EPB41L5: variants seen among roughly 807,000 people sequenced by gnomAD.
The protein encoded by EPB41L5 is erythrocyte membrane protein band 4.1 like 5.
A neutral mutation model predicts 106.6 loss-of-function variants in EPB41L5; 55 were observed. That is an observed-to-expected ratio of 0.52 (90% CI 0.42 to 0.65). The LOEUF (loss-of-function observed/expected upper bound fraction) is 0.65. EPB41L5 is among the 30% of genes least tolerant of loss of function. The pLI is 0.00. For missense variants in EPB41L5, 871 were observed against 882.1 expected (o/e 0.99, Z 0.16); for synonymous variants, 297 against 306.7 (o/e 0.97, Z 0.33).
chr2:120,160,842 C>T (rs1687109859), intron 20 of EPB41L5, 39 bp from the exon 21 acceptor site: 1 of 1,470,948 alleles, frequency 6.8e-7, no homozygotes, highest in Non-Finnish European at 9.5e-7. Flanking sequence ...TGTACCTGTA[C>T]AGGTCCTACA....
chr2:120,077,822 G>T (rs1344013251), intron 9 of EPB41L5, among the ~76,000 whole-genome samples: 1 of 152,098 alleles, frequency 6.6e-6, no homozygotes. Context: ...CTGCTATAAA[G>T]ACATAAATTT....
rs544212841 is a variant in EPB41L5, at chr2:120,134,744, TC to T, written c.1599+3034del. On this transcript the variant is annotated intron_variant, in intron 18 of 24. Transcript: ENST00000263713. Reference sequence around the variant, plus strand: ...GTCACAGCCTTACTGGGCATGAGGTTCCCCCTAATGCAGATATGGCTGGAGT... The same window carrying T: ...GTCACAGCCTTACTGGGCATGAGGTTCCCCTAATGCAGATATGGCTGGAGT... Among the ~76,000 whole-genome samples the T allele has an allele frequency of 3.0e-4, 45 of 152,334 alleles. No individual in the cohort carries two copies. The South Asian group carries it at 9.3e-3, about 32-fold the overall frequency.
chr2:120,174,302 CA>C (rs1362214586), intron 24 of EPB41L5, among the ~76,000 whole-genome samples: 1 of 152,036 alleles, frequency 6.6e-6, no homozygotes, highest in Non-Finnish European at 1.5e-5. Flanking sequence ...CAGAAAAATA[CA>C]AAAATTAGCC....
intron 16 of EPB41L5, among the ~76,000 whole-genome samples, chr2:120,111,917 C>T (rs1166056074): frequency 1.3e-5 from 2 of 152,152 alleles, no homozygotes; most frequent in Admixed American, 1.3e-4. Context: ...TCTTCTTATA[C>T]TTGCTCAAAC....
chr2:120,039,828 G>GAA lies in EPB41L5; in HGVS notation c.181-2160_181-2159dup, dbSNP rs564488728. On this transcript the variant is annotated intron_variant, in intron 2 of 24. Coordinates refer to ENST00000263713, the MANE Select transcript of EPB41L5 (RefSeq NM_020909.4). ...CAACAAGAGTGAAACTCTGTCTCAG[G>GAA]AAAAAAAAAAAAAAAAAAAGAAGAA... 2.7e-4 allele frequency among the ~76,000 whole-genome samples: 23 copies of GAA among 86,448 alleles called. 1 individual carries two copies. The South Asian group carries it at 5.4e-3, about 20-fold the overall frequency. The allele number at this position is 86,448 out of a possible 152,430, so 56.7% of individuals were successfully genotyped here.
intron 3 of EPB41L5, among the ~76,000 whole-genome samples, chr2:120,050,862 G>A (rs993103348): frequency 9.9e-5 from 15 of 152,198 alleles, no homozygotes; most frequent in African/African-American, 1.9e-4. Context: ...CTGTTTGTTA[G>A]TTTTCCTTCT....
chr2:120,105,218 T>C, intron 16 of EPB41L5: 1 of 983,622 alleles, frequency 1.0e-6, no homozygotes, highest in Non-Finnish European at 1.2e-6. Context: ...AAAAAGTCCA[T>C]TTCTGATAGG....
intron 2 of EPB41L5, among the ~76,000 whole-genome samples, chr2:120,028,946 G>A (rs147293431): frequency 1.3e-5 from 2 of 152,012 alleles, no homozygotes; most frequent in South Asian, 2.1e-4. Context: ...TATTGGAGAC[G>A]GTCATATTTT....
chr2:120,027,571 T>C (rs1678412381), intron 2 of EPB41L5, among the ~76,000 whole-genome samples: 1 of 152,116 alleles, frequency 6.6e-6, no homozygotes, highest in Non-Finnish European at 1.5e-5. Context: ...CTATAATATA[T>C]GGACTTTCTT....
intron 2 of EPB41L5, among the ~76,000 whole-genome samples, chr2:120,027,067 A>G (rs1405119170): frequency 1.3e-5 from 2 of 152,228 alleles, no homozygotes; most frequent in Admixed American, 1.3e-4. Flanking sequence ...AAGTGTTGGT[A>G]AGGATATGGA....
rs369243664 is a variant in EPB41L5 at position 120,106,477 on chromosome 2, A to G, written c.1337+5663A>G. 2.4e-5 allele frequency: 24 copies of G among 985,072 alleles called. No homozygotes were observed. The African/African-American group carries it at 3.5e-4, about 14-fold the overall frequency. The allele number at this position is 985,072 out of a possible 1,614,324, so 61.0% of individuals were successfully genotyped here. On this transcript the variant is annotated intron_variant, in intron 16 of 24. Coordinates refer to ENST00000263713, the MANE Select transcript of EPB41L5 (RefSeq NM_020909.4). The stretch of plus-strand genomic sequence containing the variant: ...ATTGTCACCAACCTATTTACACTCT[A>G]CATTTTATTATGCCTAAAGAGTCAG...
Position 120,131,475 on chromosome 2 carries a change from T to C in EPB41L5, c.1502-143T>C, listed in dbSNP as rs1031640848. On this transcript the variant is annotated intron_variant, in intron 17 of 24. Coordinates refer to ENST00000263713, the MANE Select transcript of EPB41L5 (RefSeq NM_020909.4). ...GATAGCTGGTTATGGAAAGAAAATATATTTATTTTGTGTTTATCTGGATTA... is the reference window on the plus strand; with the variant it reads ...GATAGCTGGTTATGGAAAGAAAATACATTTATTTTGTGTTTATCTGGATTA... 8.2e-6 allele frequency: 5 copies of C among 608,876 alleles called. No individual in the cohort carries two copies. In the Admixed American group the frequency reaches 1.5e-4, roughly 18 times the overall value. The allele number at this position is 608,876 out of a possible 1,614,324, so 37.7% of individuals were successfully genotyped here. A position where few individuals can be genotyped will look rare whatever the true frequency, so the allele number is the denominator to read the frequency against.
chr2:120,073,136 T>G, intron 3 of EPB41L5, 42 bp from the exon 4 acceptor site: 3 of 1,571,236 alleles, frequency 1.9e-6, no homozygotes, highest in Non-Finnish European at 2.6e-6. Flanking sequence ...AATTTTAAAG[T>G]TCTGTCATCT....
chr2:120,160,943 T>G lies in EPB41L5; in HGVS notation c.1856T>G (p.Ile619Ser). Residue 619 changes from isoleucine (I) to serine (S), a missense_variant, in exon 21 of 25, where the codon ATC becomes AGC. Transcript: ENST00000263713. The stretch of plus-strand genomic sequence containing the variant: ...GAGTCTCTTGAGACTCTGATGCTTA[T>G]CACACCTGCCGACAGTGGTTCTGTT... The part of the protein sequence containing the change: ...PKESLETLML[I>S]TPADSGSVLK... 6.2e-7 allele frequency: 1 copy of G among 1,614,004 alleles called. No homozygotes were observed. Among genetic ancestry groups the G allele is most frequent in the Non-Finnish European group, 8.5e-7 (1 of 1,179,868 alleles).
At chr2:120,105,652 C>T in intron 16 of EPB41L5, 2 of 985,040 alleles carry the variant, frequency 2.0e-6, no homozygotes, top group Non-Finnish European at 2.4e-6. Flanking sequence ...TTAGCACATC[C>T]TCTAAATATA....
At chr2:120,165,986 A>C (rs1485705188) in intron 22 of EPB41L5, among the ~76,000 whole-genome samples, 2 of 151,322 alleles carry the variant, frequency 1.3e-5, no homozygotes, top group Non-Finnish European at 2.9e-5. Flanking sequence ...AAAAAAAAAA[A>C]AAAAAAAACA....
At chr2:120,063,924 G>A (rs1338179564) in intron 3 of EPB41L5, among the ~76,000 whole-genome samples, 1 of 151,436 alleles carries the variant, frequency 6.6e-6, no homozygotes, top group Non-Finnish European at 1.5e-5. Context: ...CCTGGGTGAC[G>A]AGAGTGAAAC....
chr2:120,131,380 T>A (rs918779818), intron 17 of EPB41L5, among the ~76,000 whole-genome samples: 1 of 152,202 alleles, frequency 6.6e-6, no homozygotes, highest in Non-Finnish European at 1.5e-5. Flanking sequence ...ATCTACTTGC[T>A]TTTTAGGAGT....
chr2:120,041,971 C>T, intron 2 of EPB41L5, 35 bp from the exon 3 acceptor site: 1 of 1,488,126 alleles, frequency 6.7e-7, no homozygotes, highest in Non-Finnish European at 9.3e-7. Context: ...TCTTATAAAC[C>T]ACTTATTGAT....
Sources: gnomAD v4.1 joint callset for allele counts (sites outside exome capture counted in the v4.1 genomes callset) on GRCh38, gnomAD v4.1.1 for gene constraint, MANE v1.5 for transcripts, NCBI Gene and HGNC (gene_info 2026-07-23, HGNC 2026-07-21) for gene names.